The following ZNF827 variants were observed in gnomAD, a reference collection of about 807,000 sequenced individuals.
The protein encoded by ZNF827 is zinc finger protein 827.
ZNF827 carries 13 observed loss-of-function variants against 102.4 expected under a neutral mutation model. The ratio of observed to expected loss-of-function variants is 0.13; its 90% confidence interval spans 0.08 to 0.20. The LOEUF is 0.20. Ranked by LOEUF, ZNF827 falls within the 10% of genes least tolerant of loss-of-function variation. The probability of loss-of-function intolerance (pLI) is 1.00; values close to 1 mark genes in which losing one functional copy is unlikely to be tolerated. For missense variants in ZNF827, 1,103 were observed against 1,344.4 expected, an observed-to-expected ratio of 0.82 and a Z score of 2.81; for synonymous variants, 523 against 536.2, an observed-to-expected ratio of 0.98 and a Z score of 0.34.
Position 145,902,698 on chromosome 4 carries a change from G to A in ZNF827, c.561C>T (p.Asn187=), listed in dbSNP as rs768025829. The part of the protein sequence containing the change: ...QEQNDQYTPS[N]RFIWNQGKWL... ...ACTTACCTTGATTCCATATAAAACG[G>A]TTACTTGGAGTGTATTGGTCATTCT... Residue 187 remains asparagine, a synonymous_variant, in exon 2 of 15, where the codon AAC becomes AAT. Coordinates refer to ENST00000508784, the MANE Select transcript of ZNF827 (RefSeq NM_001306215.2). The surrounding 1 kb of genome is among the most constrained non-coding windows in gnomAD (Gnocchi z 4.3). The A allele has an allele frequency of 4.6e-5, 75 of 1,613,860 alleles. No individual in the cohort carries two copies. Among genetic ancestry groups the A allele is most frequent in the Admixed American group, 1.0e-4 (6 of 59,994 alleles).
intron 1 of ZNF827, among the ~76,000 whole-genome samples, chr4:145,923,667 T>C (rs1228343117): frequency 1.3e-5 from 2 of 152,134 alleles, no homozygotes; most frequent in Non-Finnish European, 2.9e-5. Flanking sequence ...ACTCAGGCAT[T>C]AGAGATTTGC....
intron 8 of ZNF827, among the ~76,000 whole-genome samples, chr4:145,802,752 G>A (rs1741037355): frequency 6.6e-6 from 1 of 152,216 alleles, no homozygotes; most frequent in African/African-American, 2.4e-5. Flanking sequence ...GAGCCCAGGA[G>A]TTCATGGAGA....
intron 11 of ZNF827, among the ~76,000 whole-genome samples, chr4:145,768,396 C>A (rs887703062): frequency 7.2e-5 from 11 of 152,104 alleles, no homozygotes; most frequent in African/African-American, 2.7e-4. Flanking sequence ...AACTCCTGAC[C>A]TCAAGTGATC....
intron 7 of ZNF827, among the ~76,000 whole-genome samples, chr4:145,840,600 T>G (rs1319388723): frequency 6.6e-6 from 1 of 152,236 alleles, no homozygotes; most frequent in Non-Finnish European, 1.5e-5. Context: ...ATCAATTTCA[T>G]TTGCTCTGTT....
intron 1 of ZNF827, chr4:145,907,367 C>A (rs1470983833): frequency 5.5e-6 from 2 of 365,922 alleles, no homozygotes; most frequent in Admixed American, 3.9e-5. Context: ...CACACTACAT[C>A]GTGAGAAAAA....
chr4:145,903,908 A>T (rs1462781958), intron 1 of ZNF827, among the ~76,000 whole-genome samples: 1 of 152,212 alleles, frequency 6.6e-6, no homozygotes, highest in African/African-American at 2.4e-5. Context: ...TCTGACTGTG[A>T]CAGTACCTCC....
intron 1 of ZNF827, among the ~76,000 whole-genome samples, chr4:145,905,866 C>T (rs554735789): frequency 1.8e-4 from 28 of 152,236 alleles, no homozygotes; most frequent in African/African-American, 6.5e-4. Flanking sequence ...AAATGAAGTA[C>T]ACTCATTAAG....
At chr4:145,911,458 A>G (rs140785940) in intron 1 of ZNF827, among the ~76,000 whole-genome samples, 59 of 152,350 alleles carry the variant, frequency 3.9e-4, no homozygotes, top group African/African-American at 1.4e-3. Context: ...ATGGGTGACT[A>G]TCATTATTAC....
At chr4:145,848,138 T>C (rs1746162535) in intron 6 of ZNF827, among the ~76,000 whole-genome samples, 1 of 152,224 alleles carries the variant, frequency 6.6e-6, no homozygotes, top group African/African-American at 2.4e-5. Context: ...CCTCAATCAT[T>C]ATTAAAGTTA....
chr4:145,845,890 C>G (rs993910802), intron 7 of ZNF827, 66 bp downstream of exon 7: 1 of 1,544,108 alleles, frequency 6.5e-7, no homozygotes, highest in Non-Finnish European at 9.0e-7. Context: ...GAGCAACGTT[C>G]AACATGTAGT....
chr4:145,902,460 G>T lies in ZNF827; in HGVS notation c.799C>A (p.Pro267Thr). ...SKKVSERSLT[P>T]GQEHPPPASS... ...GCCGGTGGAGGGTGCTCCTGACCAGGAGTCAAACTTCTTTCACTGACCTTC... is the reference window on the plus strand; with the variant it reads ...GCCGGTGGAGGGTGCTCCTGACCAGTAGTCAAACTTCTTTCACTGACCTTC... The change falls in exon 2 of 15, where the codon CCT becomes ACT. Residue 267 changes from proline to threonine, a missense_variant. Transcript: ENST00000508784. This position sits in a 1 kb window ranked among gnomAD's most constrained non-coding sequence, Gnocchi z 4.3. The T allele has an allele frequency of 1.2e-6, 2 of 1,614,158 alleles. No individual in the cohort carries two copies. Among genetic ancestry groups the T allele is most frequent in the South Asian group, 1.1e-5 (1 of 91,078 alleles).
At chr4:145,937,550 C>T (rs1440840758) in intron 1 of ZNF827, among the ~76,000 whole-genome samples, 1 of 147,146 alleles carries the variant, frequency 6.8e-6, no homozygotes, top group African/African-American at 2.4e-5. Flanking sequence ...CCGGCCTCGC[C>T]CCCCGCCCGG....
intron 1 of ZNF827, among the ~76,000 whole-genome samples, chr4:145,928,168 C>T (rs1043800587): frequency 1.3e-4 from 20 of 152,294 alleles, no homozygotes; most frequent in African/African-American, 4.8e-4. Context: ...CATCTCCTGT[C>T]TTTATTTTTG....
rs2126638800 is a variant in ZNF827, at chr4:145,846,017, T to C, written c.2222-4A>G. The stretch of plus-strand genomic sequence containing the variant: ...TTGTGCTCTTTGCTCACTTTTTCTG[T>C]AAGGAGAAAGAATGAAACATACACC... On this transcript the variant is annotated splice_polypyrimidine_tract_variant and splice_region_variant and intron_variant, in intron 6 of 14. Coordinates refer to ENST00000508784, the MANE Select transcript of ZNF827 (RefSeq NM_001306215.2). 1 of 1,614,188 alleles carries C rather than the reference T, an allele frequency of 6.2e-7. No individual in the cohort carries two copies. Among genetic ancestry groups the C allele is most frequent in the Non-Finnish European group, 8.5e-7 (1 of 1,180,006 alleles).
chr4:145,832,279 A>C (rs1744290688), intron 7 of ZNF827: 1 of 147,460 alleles, frequency 6.8e-6, no homozygotes, highest in Non-Finnish European at 1.5e-5. Flanking sequence ...AAACAAACAA[A>C]CAAACAAAAA....
chr4:145,888,737 C>A (rs1750342363), intron 3 of ZNF827, among the ~76,000 whole-genome samples: 1 of 152,202 alleles, frequency 6.6e-6, no homozygotes. Context: ...GTCTTCCTCA[C>A]CTTTTCTGTT....
chr4:145,938,081 G>A (rs1467575926), intron 1 of ZNF827, among the ~76,000 whole-genome samples: 2 of 150,862 alleles, frequency 1.3e-5, no homozygotes, highest in Non-Finnish European at 3.0e-5. Context: ...GAGGGGGAAG[G>A]GGAGGGAAAG....
chr4:145,878,588 AGGAC>A, intron 4 of ZNF827, among the ~76,000 whole-genome samples: 2 of 137,958 alleles, frequency 1.4e-5, no homozygotes, highest in African/African-American at 5.7e-5. Flanking sequence ...AGGACAGGAC[AGGAC>A]AGGACAGGAC....
Position 145,764,781 on chromosome 4 carries a change from A to C in ZNF827, c.3230+207T>G, listed in dbSNP as rs532715485. On this transcript the variant is annotated intron_variant, in intron 13 of 14. Coordinates refer to ENST00000508784, the MANE Select transcript of ZNF827 (RefSeq NM_001306215.2). ...GAATCCCGGGGTATTTGCAAAATGG[A>C]TTCTCCTACTGACATCTGTTGACAC... 1.9e-4 allele frequency: 117 copies of C among 627,702 alleles called. No individual in the cohort carries two copies. The African/African-American group carries it at 2.1e-3, about 11-fold the overall frequency. The allele number at this position is 627,702 out of a possible 1,614,324, so 38.9% of individuals were successfully genotyped here.
Sources: allele counts gnomAD v4.1 joint callset (sites outside exome capture counted in the v4.1 genomes callset), GRCh38; gene constraint gnomAD v4.1.1; non-coding constraint Gnocchi (gnomAD v3.1); transcripts MANE v1.5; gene names NCBI Gene and HGNC (gene_info 2026-07-23, HGNC 2026-07-21).